The following ACVR1 variants were observed in gnomAD, a reference collection of about 807,000 sequenced individuals.
ACVR1 encodes the protein activin A receptor type 1, also known as activin receptor type-1.
A neutral mutation model predicts 57.1 loss-of-function variants in ACVR1; 38 were observed. That is an observed-to-expected ratio of 0.67 (90% CI 0.51 to 0.87). ACVR1 has a LOEUF of 0.87. Among genes scored for constraint, ACVR1 ranks in the 40% least tolerant of loss-of-function variants. ACVR1 has a pLI of 0.00. For synonymous variants in ACVR1, 212 were observed against 228.1 expected, an observed-to-expected ratio of 0.93 and a Z score of 0.63; for missense variants, 463 against 638.2, an observed-to-expected ratio of 0.73 and a Z score of 2.96.
chr2:157,737,182 T>C lies in ACVR1; in HGVS notation c.*349A>G. ...ACCTCCTTGAGTTTCCCGTGGGGAG[T>C]GTCTAGGAGACTTGTGAAAGCTATG... On this transcript the variant is annotated 3_prime_UTR_variant, in exon 11 of 11. Coordinates refer to ENST00000434821, the MANE Select transcript of ACVR1 (RefSeq NM_001111067.4). 2 of 361,432 alleles carry C rather than the reference T, an allele frequency of 5.5e-6. No individual in the cohort carries two copies. Among genetic ancestry groups the C allele is most frequent in the East Asian group, 5.3e-5 (1 of 18,728 alleles). The allele number at this position is 361,432 out of a possible 1,614,324, so 22.4% of individuals were successfully genotyped here. A position where few individuals can be genotyped will look rare whatever the true frequency, so the allele number is the denominator to read the frequency against.
At chr2:157,807,812 C>T (rs1330899312) in intron 2 of ACVR1, among the ~76,000 whole-genome samples, 1 of 125,106 alleles carries the variant, frequency 8.0e-6, no homozygotes, top group Non-Finnish European at 1.5e-5. Context: ...TCTGACACAG[C>T]TGTCCCAATT....
At chr2:157,852,836 T>A (rs1409020223) in intron 1 of ACVR1, among the ~76,000 whole-genome samples, 1 of 152,146 alleles carries the variant, frequency 6.6e-6, no homozygotes, top group East Asian at 1.9e-4. Context: ...TCGAACAGAT[T>A]TAACACTCAG....
chr2:157,852,158 A>G (rs1301424544), intron 1 of ACVR1, among the ~76,000 whole-genome samples: 1 of 152,046 alleles, frequency 6.6e-6, no homozygotes, highest in Non-Finnish European at 1.5e-5. Flanking sequence ...AGGCCAATAA[A>G]GAGGACAAAT....
chr2:157,806,231 T>C (rs2105314509), intron 2 of ACVR1, among the ~76,000 whole-genome samples: 1 of 152,302 alleles, frequency 6.6e-6, no homozygotes, highest in Middle Eastern at 3.4e-3. Flanking sequence ...TAATACACCA[T>C]TCAATCATGC....
At position 157,785,380 on chromosome 2, in the gene ACVR1, G is replaced by T. The variant is rs147748069; in HGVS notation, c.68-4780C>A. Among the ~76,000 whole-genome samples, 12 of 152,260 alleles carry T rather than the reference G, an allele frequency of 7.9e-5. No homozygotes were observed. In the East Asian group the frequency reaches 1.9e-3, roughly 24 times the overall value. ...TATAGATTATAGGAGTCCTTCCATC[G>T]TCTCCTAATCCGGGAGCACAGTTTG... On this transcript the variant is annotated intron_variant, in intron 3 of 10. Coordinates refer to ENST00000434821, the MANE Select transcript of ACVR1 (RefSeq NM_001111067.4).
intron 1 of ACVR1, among the ~76,000 whole-genome samples, chr2:157,826,001 C>T (rs772890109): frequency 1.3e-5 from 2 of 152,206 alleles, no homozygotes; most frequent in South Asian, 2.1e-4. Context: ...CTCCTCATTA[C>T]CATGAGACAT....
At chr2:157,779,050 T>C (rs1272011543) in intron 4 of ACVR1, among the ~76,000 whole-genome samples, 1 of 152,162 alleles carries the variant, frequency 6.6e-6, no homozygotes, top group Non-Finnish European at 1.5e-5. Flanking sequence ...TTGGCATACA[T>C]CATACTCCAT....
intron 5 of ACVR1, among the ~76,000 whole-genome samples, chr2:157,777,072 T>C (rs1278237948): frequency 1.3e-5 from 2 of 152,188 alleles, no homozygotes; most frequent in Non-Finnish European, 2.9e-5. Context: ...AATGTTATTA[T>C]TTTTTCTTTT....
At chr2:157,811,471 G>A (rs1574095015) in intron 2 of ACVR1, among the ~76,000 whole-genome samples, 2 of 152,150 alleles carry the variant, frequency 1.3e-5, no homozygotes, top group East Asian at 3.9e-4. Context: ...GATAGTTCAA[G>A]TTACATAGAA....
intron 3 of ACVR1, among the ~76,000 whole-genome samples, chr2:157,793,978 G>A (rs562141966): frequency 2.0e-5 from 3 of 152,142 alleles, no homozygotes; most frequent in Non-Finnish European, 4.4e-5. Flanking sequence ...AGAACAGGCC[G>A]AAATCTCTTG....
At chr2:157,849,756 G>C (rs1256813431) in intron 1 of ACVR1, among the ~76,000 whole-genome samples, 1 of 152,174 alleles carries the variant, frequency 6.6e-6, no homozygotes, top group Non-Finnish European at 1.5e-5. Context: ...CGGATAACCT[G>C]GCAACAGCCA....
chr2:157,774,059 C>A (rs751792175), intron 6 of ACVR1, 29 bp downstream of exon 6: 1 of 1,586,900 alleles, frequency 6.3e-7, no homozygotes, highest in Non-Finnish European at 8.7e-7. Flanking sequence ...TTGCATATTA[C>A]CCACAAAGAA....
At chr2:157,740,174 G>T (rs145514954) in intron 9 of ACVR1, among the ~76,000 whole-genome samples, 2,761 of 142,678 alleles carry the variant, frequency 0.019, 74 homozygotes, top group African/African-American at 0.07. Context: ...GACAGAGTGA[G>T]ATTCTGTCTC....
At chr2:157,860,911 G>A (rs1436325968) in intron 1 of ACVR1, among the ~76,000 whole-genome samples, 2 of 152,194 alleles carry the variant, frequency 1.3e-5, no homozygotes, top group African/African-American at 2.4e-5. Flanking sequence ...GATCCAGCAG[G>A]ATTTGAGGTA....
chr2:157,809,307 C>A (rs1042841483), intron 2 of ACVR1, among the ~76,000 whole-genome samples: 34 of 152,172 alleles, frequency 2.2e-4, no homozygotes, highest in African/African-American at 8.0e-4. Context: ...TAATGGAATT[C>A]TCTCACAATT....
intron 7 of ACVR1, among the ~76,000 whole-genome samples, chr2:157,766,824 A>T (rs1224196131): frequency 6.6e-6 from 1 of 152,244 alleles, no homozygotes; most frequent in African/African-American, 2.4e-5. Flanking sequence ...AAGAAGACAG[A>T]TGTAAAAACG....
intron 7 of ACVR1, 63 bp downstream of exon 7, chr2:157,770,305 A>G (rs1295136995): frequency 1.2e-5 from 19 of 1,587,348 alleles, no homozygotes; most frequent in Non-Finnish European, 1.4e-5. Context: ...AAACGGAGAG[A>G]GCAAAGGCAG....
At chr2:157,750,898 A>G (rs968284167) in intron 9 of ACVR1, among the ~76,000 whole-genome samples, 2 of 142,436 alleles carry the variant, frequency 1.4e-5, no homozygotes, top group Non-Finnish European at 3.0e-5. Context: ...GGGTATCATT[A>G]AAAAAAAAAA....
intron 1 of ACVR1, chr2:157,819,479 A>C (rs1030602233): frequency 4.5e-5 from 6 of 134,244 alleles, no homozygotes; most frequent in African/African-American, 1.7e-4. Flanking sequence ...CTGGACAACA[A>C]GAGCGAAACT....
Sources: gnomAD v4.1 joint callset for allele counts (sites outside exome capture counted in the v4.1 genomes callset) on GRCh38, gnomAD v4.1.1 for gene constraint, MANE v1.5 for transcripts, NCBI Gene and HGNC (gene_info 2026-07-23, HGNC 2026-07-21) for gene names.